The following ATG4A variants were observed in gnomAD, a reference collection of about 807,000 sequenced individuals.
ATG4A encodes cysteine protease ATG4A.
ATG4A carries 22 observed loss-of-function variants against 38.4 expected under a neutral mutation model. The ratio of observed to expected loss-of-function variants is 0.57; its 90% CI spans 0.41 to 0.82. ATG4A has a LOEUF of 0.82. Among genes scored for constraint, ATG4A ranks in the 40% least tolerant of loss-of-function variants. The pLI, the probability that ATG4A is intolerant of heterozygous loss-of-function variation, is 0.00. For synonymous variants in ATG4A, 86 were observed against 100.7 expected, an observed-to-expected ratio of 0.85 and a Z score of 0.88; for missense variants, 220 against 290.0, an observed-to-expected ratio of 0.76 and a Z score of 1.75.
chrX:108,107,223 C>T (rs1391128598), intron 1 of ATG4A, among the ~76,000 whole-genome samples: 1 of 111,155 alleles, frequency 9.0e-6, no homozygotes, highest in African/African-American at 3.3e-5. Flanking sequence ...TTTATTTTCT[C>T]TCTATTGTTC....
chrX:108,133,504 G>GACT (rs938941012), intron 4 of ATG4A, among the ~76,000 whole-genome samples: 5 of 112,575 alleles, frequency 4.4e-5, no homozygotes, highest in African/African-American at 1.6e-4. Flanking sequence ...TTTTTAAAAG[G>GACT]TGGTGTAAAA....
chrX:108,153,865 A>C lies in ATG4A; in HGVS notation c.*153A>C, dbSNP rs1279416619. ...ATGACTGAGCCAATCACTGTTTCTC[A>C]GAAAAACAAAACAAAACAAAACAAA... On this transcript the variant is annotated 3_prime_UTR_variant, in exon 13 of 13. Transcript: ENST00000372232. The C allele has an allele frequency of 4.6e-6, 2 of 437,527 alleles. No homozygotes were observed. The highest frequency in any genetic ancestry group is 5.0e-5 in the African/African-American group (2 of 40,367). The allele number at this position is 437,527 out of a possible 1,213,427, so 36.1% of individuals were successfully genotyped here. A position where few individuals can be genotyped will look rare whatever the true frequency, so the allele number is the denominator to read the frequency against.
chrX:108,135,908 C>G (rs961057570), intron 6 of ATG4A, among the ~76,000 whole-genome samples: 19 of 109,032 alleles, frequency 1.7e-4, no homozygotes, highest in African/African-American at 6.0e-4. Flanking sequence ...CTCAGCCTCC[C>G]GAGTAGCTGG....
intron 3 of ATG4A, 81 bp downstream of exon 3, chrX:108,128,933 C>G: frequency 1.7e-6 from 1 of 603,353 alleles, no homozygotes; most frequent in Non-Finnish European, 2.5e-6. Context: ...ATAGAAACCT[C>G]AGAATTAACA....
rs758050870 is a variant in ATG4A, at chrX:108,147,233, A to G, written c.815-2919A>G. ...TGTTGCTTCAGGCAGCACAGGGTTT[A>G]TCTCCTCAGTCAAAGGTGGAAAGGC... On this transcript the variant is annotated intron_variant, in intron 9 of 12. Coordinates refer to ENST00000372232, the MANE Select transcript of ATG4A (RefSeq NM_052936.5). Among the ~76,000 whole-genome samples, 4 of 111,471 alleles carry G rather than the reference A, an allele frequency of 3.6e-5. No homozygotes were observed. In the South Asian group the frequency reaches 1.5e-3, roughly 43 times the overall value.
intron 1 of ATG4A, among the ~76,000 whole-genome samples, chrX:108,110,788 G>A (rs912790946): frequency 5.3e-5 from 6 of 112,549 alleles, no homozygotes; most frequent in Non-Finnish European, 1.1e-4. Flanking sequence ...TTGAATGTGC[G>A]TATTGCTTCA....
chrX:108,153,572 T>TA (rs1243912764), intron 12 of ATG4A, 70 bp from the exon 13 acceptor site: 79 of 845,463 alleles, frequency 9.3e-5, no homozygotes, highest in Non-Finnish European at 1.4e-4. Context: ...AACTACTGAG[T>TA]AAAGTATTTA....
intron 3 of ATG4A, among the ~76,000 whole-genome samples, chrX:108,129,889 T>A (rs1056247311): frequency 3.3e-4 from 34 of 103,613 alleles, no homozygotes; most frequent in African/African-American, 1.1e-3. Flanking sequence ...TTTTTTTTTT[T>A]ATTGCTCTCC....
chrX:108,122,688 G>A (rs1321516857), intron 1 of ATG4A, among the ~76,000 whole-genome samples: 1 of 111,792 alleles, frequency 8.9e-6, no homozygotes, highest in Non-Finnish European at 1.9e-5. Context: ...TATTTGGCCT[G>A]ACACAGAGCT....
intron 1 of ATG4A, among the ~76,000 whole-genome samples, chrX:108,097,505 A>G (rs1025783650): frequency 9.0e-6 from 1 of 111,727 alleles, no homozygotes; most frequent in African/African-American, 3.3e-5. Flanking sequence ...AAAGACTTGC[A>G]ATGTGTCTAG....
chrX:108,094,484 C>T (rs1406764563), intron 1 of ATG4A, among the ~76,000 whole-genome samples: 2 of 110,981 alleles, frequency 1.8e-5, no homozygotes, highest in African/African-American at 6.6e-5. Context: ...TACGTTTAGT[C>T]ATTGTATCTC....
intron 6 of ATG4A, among the ~76,000 whole-genome samples, chrX:108,135,457 A>G (rs952390792): frequency 3.6e-5 from 4 of 111,748 alleles, no homozygotes; most frequent in African/African-American, 1.3e-4. Flanking sequence ...ATGCTTTGGG[A>G]ATGTGTCTGT....
intron 1 of ATG4A, among the ~76,000 whole-genome samples, chrX:108,125,577 CTGGCCTT>C (rs2032775243): frequency 1.8e-5 from 2 of 112,317 alleles, no homozygotes; most frequent in South Asian, 7.4e-4. Context: ...GTGAAAACAT[CTGGCCTT>C]TCAGCTAAAA....
At chrX:108,123,027 G>T in intron 1 of ATG4A, among the ~76,000 whole-genome samples, 1 of 112,092 alleles carries the variant, frequency 8.9e-6, no homozygotes, top group Non-Finnish European at 1.9e-5. Context: ...TTGAAGACAT[G>T]CCCCAACATG....
intron 1 of ATG4A, among the ~76,000 whole-genome samples, chrX:108,112,290 A>G (rs1355043946): frequency 8.9e-6 from 1 of 111,999 alleles, no homozygotes; most frequent in Non-Finnish European, 1.9e-5. Flanking sequence ...TTTAATAACC[A>G]GTTTTTCCCA....
At chrX:108,106,511 C>T (rs1030017012) in intron 1 of ATG4A, among the ~76,000 whole-genome samples, 1 of 111,625 alleles carries the variant, frequency 9.0e-6, no homozygotes, top group African/African-American at 3.3e-5. Flanking sequence ...TTCCTGATAC[C>T]TAAAGATTCC....
chrX:108,089,445 T>C (rs1257982406), upstream of ATG4A, among the ~76,000 whole-genome samples: 4 of 112,558 alleles, frequency 3.6e-5, no homozygotes. Context: ...ATTAAACTAG[T>C]TGAAATTATC....
intron 4 of ATG4A, among the ~76,000 whole-genome samples, chrX:108,133,606 C>T (rs1204166258): frequency 2.7e-5 from 3 of 112,133 alleles, no homozygotes; most frequent in Admixed American, 9.4e-5. Context: ...ACTTCTTACC[C>T]GTGAGATCCT....
intron 1 of ATG4A, among the ~76,000 whole-genome samples, chrX:108,106,129 C>T (rs2032164408): frequency 9.0e-6 from 1 of 111,163 alleles, no homozygotes; most frequent in Admixed American, 9.5e-5. Context: ...CATTTTCATT[C>T]AGTTCAAGGT....
Sources: allele counts gnomAD v4.1 joint callset (sites outside exome capture counted in the v4.1 genomes callset), GRCh38; gene constraint gnomAD v4.1.1; transcripts MANE v1.5; gene names NCBI Gene and HGNC (gene_info 2026-07-23, HGNC 2026-07-21).